Variants in NR2F1-AS1 observed in about 807,000 individuals in gnomAD.
NR2F1-AS1 encodes the protein NR2F1 antisense RNA 1.
At chr5:93,552,241 C>T (rs1752247203) in intron 4 of NR2F1-AS1, among the ~76,000 whole-genome samples, 1 of 152,080 alleles carries the variant, frequency 6.6e-6, no homozygotes, top group Non-Finnish European at 1.5e-5. Flanking sequence ...ATGTCAGTGA[C>T]AGAGGTCAGT....
intron 4 of NR2F1-AS1, among the ~76,000 whole-genome samples, chr5:93,455,843 GCA>G (rs148016646): frequency 6.0e-4 from 87 of 145,432 alleles, no homozygotes; most frequent in South Asian, 1.1e-3. Flanking sequence ...ACACACACAC[GCA>G]CACACACACA....
At chr5:93,580,082 C>T (rs1054833434) in intron 1 of NR2F1-AS1, among the ~76,000 whole-genome samples, 3 of 152,224 alleles carry the variant, frequency 2.0e-5, no homozygotes, top group African/African-American at 7.2e-5. Context: ...GGGTCGCGCT[C>T]GGCACCAGCA....
At chr5:93,550,133 C>T (rs748367756) in intron 4 of NR2F1-AS1, among the ~76,000 whole-genome samples, 10 of 151,606 alleles carry the variant, frequency 6.6e-5, no homozygotes, top group Non-Finnish European at 1.5e-4. Flanking sequence ...AAAAAGAGTG[C>T]CCATTTTATT....
At chr5:93,477,292 T>C (rs1006353822) in intron 4 of NR2F1-AS1, among the ~76,000 whole-genome samples, 2 of 152,302 alleles carry the variant, frequency 1.3e-5, no homozygotes, top group Admixed American at 6.5e-5. Context: ...TCAATGCTAA[T>C]GTACACAACA....
At chr5:93,565,036 C>G (rs1752584718) in intron 1 of NR2F1-AS1, among the ~76,000 whole-genome samples, 1 of 152,086 alleles carries the variant, frequency 6.6e-6, no homozygotes, top group Admixed American at 6.5e-5. Context: ...TCTATTCTCT[C>G]TCCTCACTCC....
At chr5:93,573,119 G>C (rs1752813083) in intron 1 of NR2F1-AS1, among the ~76,000 whole-genome samples, 1 of 152,240 alleles carries the variant, frequency 6.6e-6, no homozygotes, top group Admixed American at 6.5e-5. Flanking sequence ...AGAACGAGCT[G>C]TGCGTTTTTG....
intron 4 of NR2F1-AS1, among the ~76,000 whole-genome samples, chr5:93,535,266 A>C (rs1751816323): frequency 3.3e-5 from 5 of 152,024 alleles, no homozygotes; most frequent in Admixed American, 3.3e-4. Context: ...AAGTTAAAAA[A>C]TGTATTAGAG....
At chr5:93,569,593 T>C (rs990546474) in intron 1 of NR2F1-AS1, among the ~76,000 whole-genome samples, 2 of 152,010 alleles carry the variant, frequency 1.3e-5, no homozygotes. Context: ...ATGGAGAGAG[T>C]ACAGTTGATG....
chr5:93,434,418 A>G (rs1290530188), intron 4 of NR2F1-AS1, among the ~76,000 whole-genome samples: 5 of 152,138 alleles, frequency 3.3e-5, no homozygotes, highest in African/African-American at 9.7e-5. Flanking sequence ...CCACATTGTT[A>G]ACATTTTGCC....
intron 4 of NR2F1-AS1, among the ~76,000 whole-genome samples, chr5:93,464,898 G>A (rs998352507): frequency 6.6e-6 from 1 of 152,172 alleles, no homozygotes; most frequent in African/African-American, 2.4e-5. Context: ...TCATGGTTCT[G>A]CAGTACTCTT....
At chr5:93,447,371 A>C (rs1225850056) in intron 4 of NR2F1-AS1, among the ~76,000 whole-genome samples, 4 of 152,202 alleles carry the variant, frequency 2.6e-5, no homozygotes. Flanking sequence ...AAAATCAAAC[A>C]ACCCCATCAA....
intron 4 of NR2F1-AS1, among the ~76,000 whole-genome samples, chr5:93,525,453 A>T (rs754091176): frequency 9.9e-5 from 15 of 152,164 alleles, no homozygotes; most frequent in Non-Finnish European, 1.5e-4. Flanking sequence ...ACGGATCAAC[A>T]AGACAGAAAA....
At chr5:93,425,165 C>G (rs990495955) in intron 4 of NR2F1-AS1, among the ~76,000 whole-genome samples, 10 of 152,174 alleles carry the variant, frequency 6.6e-5, no homozygotes, top group African/African-American at 9.7e-5. Flanking sequence ...CCAGAGAGAT[C>G]AGGGGAAATC....
intron 4 of NR2F1-AS1, among the ~76,000 whole-genome samples, chr5:93,427,819 G>A (rs1416155140): frequency 6.6e-6 from 1 of 152,042 alleles, no homozygotes; most frequent in South Asian, 2.1e-4. Context: ...AATAGTTTCT[G>A]ATGGCAAAAT....
intron 4 of NR2F1-AS1, among the ~76,000 whole-genome samples, chr5:93,459,405 A>T (rs1356612360): frequency 6.6e-6 from 1 of 152,200 alleles, no homozygotes; most frequent in Non-Finnish European, 1.5e-5. Context: ...TCCACTAAAG[A>T]GACTACAATT....
intron 4 of NR2F1-AS1, among the ~76,000 whole-genome samples, chr5:93,462,614 GA>G (rs1750121052): frequency 6.6e-6 from 1 of 152,160 alleles, no homozygotes; most frequent in South Asian, 2.1e-4. Context: ...AAAAAATGTG[GA>G]AAAGTTTGAA....
chr5:93,522,084 A>T (rs1344548763), intron 4 of NR2F1-AS1, among the ~76,000 whole-genome samples: 1 of 152,226 alleles, frequency 6.6e-6, no homozygotes, highest in East Asian at 1.9e-4. Context: ...GGATGTTATG[A>T]TCCTTAGCAA....
chr5:93,538,793 G>T (rs760998125), intron 4 of NR2F1-AS1, among the ~76,000 whole-genome samples: 1 of 152,050 alleles, frequency 6.6e-6, no homozygotes, highest in Non-Finnish European at 1.5e-5. Flanking sequence ...AGAAATGTGG[G>T]TCTTTAGAAG....
intron 4 of NR2F1-AS1, among the ~76,000 whole-genome samples, chr5:93,550,090 T>C (rs1561495921): frequency 1.3e-5 from 2 of 151,652 alleles, no homozygotes; most frequent in African/African-American, 2.4e-5. Flanking sequence ...GTTCTGCACA[T>C]GTATCCCAGA....
Sources: allele counts gnomAD v4.1 joint callset (sites outside exome capture counted in the v4.1 genomes callset), GRCh38; gene constraint gnomAD v4.1.1; transcripts MANE v1.5; gene names NCBI Gene and HGNC (gene_info 2026-07-23, HGNC 2026-07-21).